Variants in NIPBL observed in about 807,000 individuals in gnomAD.
NIPBL encodes nipped-B-like protein.
Under a neutral mutation model 321.8 loss-of-function variants are expected in NIPBL, and 19 were observed. That is an observed-to-expected ratio of 0.06 (90% CI 0.04 to 0.09). The LOEUF is 0.09. Ranked by LOEUF, NIPBL falls within the 10% of genes least tolerant of loss-of-function variation. The pLI is 1.00. For synonymous variants in NIPBL, 1,106 were observed against 1,114.1 expected (o/e 0.99, Z 0.14); for missense variants, 2,210 against 3,327.0 (o/e 0.66, Z 8.26).
intron 8 of NIPBL, 55 bp from the exon 9 acceptor site, chr5:36,975,718 CATT>C: frequency 2.0e-6 from 3 of 1,507,482 alleles, no homozygotes; most frequent in Non-Finnish European, 2.8e-6. Flanking sequence ...ATTTCTATCA[CATT>C]GTAAGAAAAT....
intron 30 of NIPBL, 142 bp downstream of exon 30, chr5:37,024,861 A>T (rs1750077553): frequency 1.2e-5 from 8 of 663,182 alleles, no homozygotes; most frequent in Non-Finnish European, 2.4e-6. Flanking sequence ...AAAAATACAT[A>T]CTTTAATTTT....
chr5:36,920,557 C>T (rs1379959188), intron 1 of NIPBL, among the ~76,000 whole-genome samples: 1 of 152,146 alleles, frequency 6.6e-6, no homozygotes, highest in Non-Finnish European at 1.5e-5. Flanking sequence ...AAACAGTGTT[C>T]TGAAATGAAA....
rs767647337 is a variant in NIPBL, at chr5:37,051,829, G to A, written c.7005G>A (p.Arg2335=). The change falls in exon 41 of 47, where the codon CGG becomes CGA. Residue 2335 remains arginine, a synonymous_variant. Transcript: ENST00000282516. Reference sequence around the variant, plus strand: ...GCACAGACCCAGAACCTGCTATGCGGAACAAGGCTGATCAGCAACTTGTGG... The same window carrying A: ...GCACAGACCCAGAACCTGCTATGCGAAACAAGGCTGATCAGCAACTTGTGG... ...AMGTDPEPAM[R]NKADQQLVEI... is the part of the protein sequence containing the mutation. 6.2e-7 allele frequency: 1 copy of A among 1,613,936 alleles called. No individual in the cohort carries two copies. The highest frequency in any genetic ancestry group is 8.5e-7 in the Non-Finnish European group (1 of 1,179,936).
At chr5:37,042,572 A>C (rs1350019845) in intron 34 of NIPBL, among the ~76,000 whole-genome samples, 1 of 152,124 alleles carries the variant, frequency 6.6e-6, no homozygotes, top group Non-Finnish European at 1.5e-5. Context: ...CAGGCAGATC[A>C]CAAAGTGTGG....
rs899199582 is a variant in NIPBL, at chr5:36,967,871, G to A, written c.611-3005G>A. On this transcript the variant is annotated intron_variant, in intron 6 of 46. Coordinates refer to ENST00000282516, the MANE Select transcript of NIPBL (RefSeq NM_133433.4). Reference sequence around the variant, plus strand: ...TCCTATCACTTTGGGAGGCCAGAACGGGCAGATTGCTTGAAGCTTAGGAAC... The same window carrying A: ...TCCTATCACTTTGGGAGGCCAGAACAGGCAGATTGCTTGAAGCTTAGGAAC... Among the ~76,000 whole-genome samples the A allele has an allele frequency of 6.6e-5, 10 of 151,512 alleles. 1 individual carries two copies. Among genetic ancestry groups the A allele is most frequent in the South Asian group, 4.2e-4 (2 of 4,802 alleles).
At chr5:37,026,652 G>A (rs570465018) in intron 31 of NIPBL, among the ~76,000 whole-genome samples, 92 of 152,314 alleles carry the variant, frequency 6.0e-4, no homozygotes, top group Admixed American at 3.4e-3. Context: ...TGCAAAGATA[G>A]TAATGCCTAC....
rs1429817785 is a variant in NIPBL, at chr5:37,000,739, GAAA to G, written c.3503-73_3503-71del. On this transcript the variant is annotated intron_variant, in intron 12 of 46. Coordinates refer to ENST00000282516, the MANE Select transcript of NIPBL (RefSeq NM_133433.4). ...TATCGTTTAAGTCTTTAACGTTCAG[GAAA>G]AAAACTAGAAACAAAAATGGAATTA... 2.2e-6 allele frequency: 3 copies of G among 1,392,332 alleles called. No homozygotes were observed. The Admixed American group carries it at 5.4e-5, about 25-fold the overall frequency. The allele number at this position is 1,392,332 out of a possible 1,614,324, so 86.2% of individuals were successfully genotyped here.
chr5:37,019,065 T>C (rs2149694728), intron 24 of NIPBL, among the ~76,000 whole-genome samples: 1 of 152,292 alleles, frequency 6.6e-6, no homozygotes, highest in Non-Finnish European at 1.5e-5. Flanking sequence ...ATAGTGCCAC[T>C]GGACTCCAGC....
chr5:36,926,731 G>C (rs187315678), intron 1 of NIPBL, among the ~76,000 whole-genome samples: 7 of 152,164 alleles, frequency 4.6e-5, no homozygotes, highest in Admixed American at 1.3e-4. Context: ...TTTTATTTTT[G>C]TGGGTACATA....
chr5:36,911,731 T>G (rs751859268), intron 1 of NIPBL, among the ~76,000 whole-genome samples: 24 of 152,178 alleles, frequency 1.6e-4, no homozygotes, highest in Non-Finnish European at 3.1e-4. Context: ...TAGGCAAAAG[T>G]TAATGAACTT....
intron 10 of NIPBL, among the ~76,000 whole-genome samples, chr5:36,986,604 T>C (rs866677743): frequency 7.9e-5 from 12 of 152,168 alleles, no homozygotes; most frequent in Admixed American, 1.3e-4. Flanking sequence ...TGAAATATGC[T>C]TAAGTGAATG....
chr5:36,919,735 A>G (rs770927398), intron 1 of NIPBL, among the ~76,000 whole-genome samples: 7 of 152,186 alleles, frequency 4.6e-5, no homozygotes, highest in Admixed American at 2.0e-4. Flanking sequence ...CTAACACAGC[A>G]AATTGATCCA....
At chr5:36,909,187 A>AC (rs1254088046) in intron 1 of NIPBL, among the ~76,000 whole-genome samples, 2 of 152,152 alleles carry the variant, frequency 1.3e-5, no homozygotes, top group African/African-American at 2.4e-5. Flanking sequence ...AGTACTAGAA[A>AC]CACCCTCACA....
At chr5:36,977,692 G>A (rs1197852520) in intron 9 of NIPBL, among the ~76,000 whole-genome samples, 1 of 151,042 alleles carries the variant, frequency 6.6e-6, no homozygotes, top group African/African-American at 2.4e-5. Flanking sequence ...TGGGCTTGTA[G>A]TGAACCCGTC....
chr5:36,886,644 A>G, intron 1 of NIPBL: 1 of 486,948 alleles, frequency 2.1e-6, no homozygotes, highest in Non-Finnish European at 3.7e-6. Flanking sequence ...TATAATTTAT[A>G]CAGTAAAACT....
At chr5:37,000,283 T>G in intron 11 of NIPBL, 90 bp from the exon 12 acceptor site, 1 of 1,285,890 alleles carries the variant, frequency 7.8e-7, no homozygotes, top group Non-Finnish European at 1.1e-6. Context: ...GAATGAAGAT[T>G]TTTTTCCCCA....
intron 30 of NIPBL, 76 bp downstream of exon 30, chr5:37,024,795 A>AT (rs1191563851): frequency 8.9e-7 from 1 of 1,122,342 alleles, no homozygotes; most frequent in African/African-American, 1.6e-5. Flanking sequence ...CTAAATGTTG[A>AT]TTTTAAATAT....
rs1007661432 is a variant in NIPBL, at chr5:36,996,803, C to G, written c.3304+999C>G. On this transcript the variant is annotated intron_variant, in intron 11 of 46. Coordinates refer to ENST00000282516, the MANE Select transcript of NIPBL (RefSeq NM_133433.4). This position sits in a 1 kb window ranked among gnomAD's most constrained non-coding sequence, Gnocchi z 5.0. ...TGTCCATAGATTGAGGTGTGACAAG[C>G]AAGGGCAGGAAGGACAGATGCATGC... The G allele has an allele frequency of 4.5e-6, 1 of 220,024 alleles. No individual in the cohort carries two copies. Among genetic ancestry groups the G allele is most frequent in the African/African-American group, 2.3e-5 (1 of 42,986 alleles). The allele number at this position is 220,024 out of a possible 1,614,324, so 13.6% of individuals were successfully genotyped here. A position where few individuals can be genotyped will look rare whatever the true frequency, so the allele number is the denominator to read the frequency against.
chr5:36,961,386 ATC>A (rs892437696), intron 4 of NIPBL, 96 bp from the exon 5 acceptor site: 2 of 789,940 alleles, frequency 2.5e-6, no homozygotes, highest in African/African-American at 3.4e-5. Context: ...GATCAAAAAA[ATC>A]TCTGGAATGT....
Sources: allele counts gnomAD v4.1 joint callset (sites outside exome capture counted in the v4.1 genomes callset), GRCh38; gene constraint gnomAD v4.1.1; non-coding constraint Gnocchi (gnomAD v3.1); transcripts MANE v1.5; gene names NCBI Gene and HGNC (gene_info 2026-07-23, HGNC 2026-07-21).